The following CACNA2D1 variants were observed in gnomAD, a reference collection of about 807,000 sequenced individuals.
The protein encoded by CACNA2D1 is calcium voltage-gated channel auxiliary subunit alpha2delta 1.
Under a neutral mutation model 171.5 loss-of-function variants are expected in CACNA2D1, and 53 were observed. That is an observed-to-expected ratio of 0.31 (90% CI 0.25 to 0.39). CACNA2D1 has a LOEUF of 0.39. Among genes scored for constraint, CACNA2D1 ranks in the 10% least tolerant of loss-of-function variants. The probability of loss-of-function intolerance (pLI) is 1.00; values close to 1 mark genes in which losing one functional copy is unlikely to be tolerated. For synonymous variants in CACNA2D1, 442 were observed against 443.1 expected, an observed-to-expected ratio of 1.00 and a Z score of 0.03; for missense variants, 903 against 1,299.8, an observed-to-expected ratio of 0.69 and a Z score of 4.69.
chr7:82,332,379 G>A (rs1817413568), intron 3 of CACNA2D1, among the ~76,000 whole-genome samples: 1 of 151,992 alleles, frequency 6.6e-6, no homozygotes, highest in Non-Finnish European at 1.5e-5. Context: ...TCAATGAAAT[G>A]TTTCAACCTC....
At chr7:82,144,104 A>G (rs1054268754) in intron 4 of CACNA2D1, among the ~76,000 whole-genome samples, 2 of 152,106 alleles carry the variant, frequency 1.3e-5, no homozygotes, top group Admixed American at 6.6e-5. Flanking sequence ...AGGAGTAGTT[A>G]CGGTCATAAA....
intron 12 of CACNA2D1, among the ~76,000 whole-genome samples, chr7:82,026,094 T>C (rs79220447): frequency 0.015 from 2,332 of 151,292 alleles, 56 homozygotes; most frequent in African/African-American, 0.054. Context: ...GATATAAATG[T>C]AGCTATCCAT....
intron 38 of CACNA2D1, among the ~76,000 whole-genome samples, chr7:81,953,908 CCT>C (rs1792901351): frequency 6.6e-6 from 1 of 151,822 alleles, no homozygotes; most frequent in Admixed American, 6.6e-5. Flanking sequence ...TGTTTAATTT[CCT>C]CTGTGTGATG....
At position 82,127,257 on chromosome 7, in the gene CACNA2D1, T is replaced by C. The variant is rs527702227; in HGVS notation, c.396+9378A>G. Among the ~76,000 whole-genome samples the C allele has an allele frequency of 1.1e-4, 17 of 152,356 alleles. 1 individual carries two copies. The highest frequency in any genetic ancestry group is 3.6e-4 in the African/African-American group (15 of 41,578). On this transcript the variant is annotated intron_variant, in intron 5 of 38. Transcript: ENST00000356860. ...TGCATCCAATCCCATTAGATGAAAT[T>C]AAGGAAGCAAATGTCTATCTTAAAC...
chr7:81,991,251 A>G lies in CACNA2D1; in HGVS notation c.1735-5T>C. On this transcript the variant is annotated splice_region_variant and splice_polypyrimidine_tract_variant and intron_variant, in intron 20 of 38. Coordinates refer to ENST00000356860, the MANE Select transcript of CACNA2D1 (RefSeq NM_000722.4). The stretch of plus-strand genomic sequence containing the variant: ...GTTTCCTTTGTCAATATATCTCTAG[A>G]AAGAAGTTTAACGTGGTTATTATCA... 1.4e-6 allele frequency: 2 copies of G among 1,449,150 alleles called. No individual in the cohort carries two copies. Among genetic ancestry groups the G allele is most frequent in the Non-Finnish European group, 1.9e-6 (2 of 1,029,910 alleles). The allele number at this position is 1,449,150 out of a possible 1,614,324, so 89.8% of individuals were successfully genotyped here. A position where few individuals can be genotyped will look rare whatever the true frequency, so the allele number is the denominator to read the frequency against.
At chr7:82,282,171 G>T (rs1204593283) in intron 3 of CACNA2D1, among the ~76,000 whole-genome samples, 1 of 152,008 alleles carries the variant, frequency 6.6e-6, no homozygotes, top group Non-Finnish European at 1.5e-5. Flanking sequence ...GGTGACCCCC[G>T]CCTGTAGTCC....
intron 1 of CACNA2D1, among the ~76,000 whole-genome samples, chr7:82,353,519 T>A (rs1211226130): frequency 6.6e-6 from 1 of 151,980 alleles, no homozygotes; most frequent in Non-Finnish European, 1.5e-5. Flanking sequence ...AAGATCAATG[T>A]ATAACTCCCA....
chr7:82,114,715 C>T lies in CACNA2D1; in HGVS notation c.526+2329G>A, dbSNP rs1184050973. On this transcript the variant is annotated intron_variant, in intron 6 of 38. Coordinates refer to ENST00000356860, the MANE Select transcript of CACNA2D1 (RefSeq NM_000722.4). The stretch of plus-strand genomic sequence containing the variant: ...AGGTTGCAGTGAGCTGAGATTGTAC[C>T]ACTACACTTCAGCCTGGGCAAGGGA... Among the ~76,000 whole-genome samples the T allele has an allele frequency of 2.0e-5, 3 of 148,262 alleles. No homozygotes were observed. The Admixed American group carries it at 2.0e-4, about 10-fold the overall frequency.
At chr7:82,206,662 G>A (rs973405551) in intron 3 of CACNA2D1, among the ~76,000 whole-genome samples, 7 of 152,076 alleles carry the variant, frequency 4.6e-5, no homozygotes, top group African/African-American at 1.7e-4. Flanking sequence ...AAAATGGCAG[G>A]AGGTAACCAA....
At chr7:82,337,670 T>G (rs1818159873) in intron 2 of CACNA2D1, among the ~76,000 whole-genome samples, 1 of 152,322 alleles carries the variant, frequency 6.6e-6, no homozygotes, top group Middle Eastern at 3.4e-3. Context: ...TACGAGTTTT[T>G]GGCACCAGAC....
At chr7:82,242,497 T>C (rs1804422471) in intron 3 of CACNA2D1, among the ~76,000 whole-genome samples, 1 of 152,120 alleles carries the variant, frequency 6.6e-6, no homozygotes, top group Non-Finnish European at 1.5e-5. Flanking sequence ...CATTTGAGAA[T>C]CTTAAGTAAT....
At position 82,195,718 on chromosome 7, in the gene CACNA2D1, C is replaced by G. The variant is rs186818615; in HGVS notation, c.295-25109G>C. On this transcript the variant is annotated intron_variant, in intron 3 of 38. Transcript: ENST00000356860. ...CTCTACCAAATTGAAACCTTTCAAC[C>G]CTTTCACAGCTTGGCCTGGCTCACC... Among the ~76,000 whole-genome samples, 949 of 151,862 alleles carry G rather than the reference C, an allele frequency of 6.2e-3. 14 individuals are homozygous for G. The highest frequency in any genetic ancestry group is 0.022 in the African/African-American group (906 of 41,474).
In CACNA2D1 at chr7:81,955,916, G is replaced by T. The variant is rs1206416526; in HGVS notation, c.3159+3359C>A. On this transcript the variant is annotated intron_variant, in intron 38 of 38. Coordinates refer to ENST00000356860, the MANE Select transcript of CACNA2D1 (RefSeq NM_000722.4). Reference sequence around the variant, plus strand: ...AAATGTTATTTTGGTGGGGGGGGGGGGGGGTGGTGGTCTTAGGTTAAAAAG... The same window carrying T: ...AAATGTTATTTTGGTGGGGGGGGGGTGGGGTGGTGGTCTTAGGTTAAAAAG... 5.9e-5 allele frequency among the ~76,000 whole-genome samples: 5 copies of T among 84,406 alleles called. 1 individual carries two copies. Among genetic ancestry groups the T allele is most frequent in the African/African-American group, 9.4e-5 (2 of 21,382 alleles). The allele number at this position is 84,406 out of a possible 152,430, so 55.4% of individuals were successfully genotyped here.
chr7:82,350,692 C>CA (rs906740180), intron 1 of CACNA2D1, among the ~76,000 whole-genome samples: 5 of 151,974 alleles, frequency 3.3e-5, no homozygotes, highest in East Asian at 3.9e-4. Flanking sequence ...ACAACAACAA[C>CA]AAAAAAATTA....
intron 38 of CACNA2D1, among the ~76,000 whole-genome samples, chr7:81,950,999 T>C (rs572558260): frequency 1.3e-5 from 2 of 152,246 alleles, no homozygotes; most frequent in Admixed American, 6.5e-5. Context: ...AGTGCAATCA[T>C]AGCATCTGGA....
intron 5 of CACNA2D1, among the ~76,000 whole-genome samples, chr7:82,128,096 GTT>G (rs537422197): frequency 3.5e-5 from 5 of 142,342 alleles, no homozygotes; most frequent in South Asian, 2.2e-4. Context: ...GCTAATTTTA[GTT>G]TTTTTTTTTT....
At chr7:82,145,700 T>G (rs1169830433) in intron 4 of CACNA2D1, among the ~76,000 whole-genome samples, 1 of 148,658 alleles carries the variant, frequency 6.7e-6, no homozygotes, top group Admixed American at 6.7e-5. Context: ...TGTATATATA[T>G]TATACACAAT....
intron 3 of CACNA2D1, among the ~76,000 whole-genome samples, chr7:82,206,224 A>G (rs1368491231): frequency 6.6e-6 from 1 of 151,964 alleles, no homozygotes; most frequent in Admixed American, 6.6e-5. Flanking sequence ...CTTAGATCAT[A>G]CTTCTTAGTT....
chr7:82,404,694 G>T (rs921249960), intron 1 of CACNA2D1, among the ~76,000 whole-genome samples: 2 of 152,132 alleles, frequency 1.3e-5, no homozygotes, highest in African/African-American at 2.4e-5. Context: ...TCAGACCCCA[G>T]TCAATACTAT....
Sources: gnomAD v4.1 joint callset for allele counts (sites outside exome capture counted in the v4.1 genomes callset) on GRCh38, gnomAD v4.1.1 for gene constraint, MANE v1.5 for transcripts, NCBI Gene and HGNC (gene_info 2026-07-23, HGNC 2026-07-21) for gene names.